PIWIL1: variants seen among roughly 807,000 people sequenced by gnomAD.
The protein encoded by PIWIL1 is piwi-like protein 1.
A neutral mutation model predicts 114.4 loss-of-function variants in PIWIL1; 73 were observed. The ratio of observed to expected loss-of-function variants is 0.64; its 90% CI spans 0.53 to 0.78. The LOEUF (loss-of-function observed/expected upper bound fraction) is 0.78, where lower values mean the gene tolerates loss of function less well. Among genes scored for constraint, PIWIL1 ranks in the 30% least tolerant of loss-of-function variants. PIWIL1 has a pLI of 0.00. For synonymous variants in PIWIL1, 375 were observed against 369.0 expected, an observed-to-expected ratio of 1.02 and a Z score of -0.19; for missense variants, 723 against 1,063.1, an observed-to-expected ratio of 0.68 and a Z score of 4.45.
the PIWIL1 span, chr12:130,426,060 A>G: frequency 6.6e-6 from 1 of 152,304 alleles, no homozygotes; most frequent in Non-Finnish European, 1.5e-5. Flanking sequence ...AACCATCCTT[A>G]GAGGACAGGG....
Position 130,354,936 on chromosome 12 carries a change from C to A in PIWIL1, c.1220C>A (p.Ala407Asp). ...RNDFNVMKDL[A>D]VHTRLTPEQR... ...GATTTTAACGTGATGAAAGACTTAG[C>A]CGTTCATACAAGACTAACTCCAGAG... Residue 407 changes from alanine (A) to aspartate (D), a missense_variant, in exon 11 of 21, where the codon GCC (alanine) becomes GAC (aspartate). Physicochemically the swap from Ala to Asp is moderately radical, Grantham distance 126. This residue lies in a region of PIWIL1 where 298 missense variants were observed against 420.8 expected (regional missense o/e 0.71). Coordinates refer to ENST00000245255, the MANE Select transcript of PIWIL1 (RefSeq NM_004764.5). The A allele has an allele frequency of 6.2e-7, 1 of 1,613,762 alleles. No individual in the cohort carries two copies. The highest frequency in any genetic ancestry group is 8.5e-7 in the Non-Finnish European group (1 of 1,179,694).
At chr12:130,397,121 C>T in the PIWIL1 span, 24 of 306,782 alleles carry the variant, frequency 7.8e-5, no homozygotes, top group Non-Finnish European at 1.4e-4. Context: ...TAAGACGTCC[C>T]CTCCCACCTC....
At chr12:130,380,933 C>CT in the PIWIL1 span, among the ~76,000 whole-genome samples, 7 of 152,032 alleles carry the variant, frequency 4.6e-5, no homozygotes, top group Non-Finnish European at 8.8e-5. Flanking sequence ...AATGAGTCTT[C>CT]TTTTTTTTAC....
the PIWIL1 span, chr12:130,399,945 G>A: frequency 9.9e-7 from 1 of 1,007,602 alleles, no homozygotes; most frequent in Admixed American, 2.7e-5. Context: ...GGCAGGACTT[G>A]AAAGGACTCT....
At chr12:130,348,581 C>A (rs765304257) in intron 7 of PIWIL1, among the ~76,000 whole-genome samples, 1 of 152,116 alleles carries the variant, frequency 6.6e-6, no homozygotes, top group Non-Finnish European at 1.5e-5. Flanking sequence ...CAAACCTGCA[C>A]GTGTGCCCCT....
At chr12:130,420,467 G>A in the PIWIL1 span, among the ~76,000 whole-genome samples, 1 of 152,218 alleles carries the variant, frequency 6.6e-6, no homozygotes, top group South Asian at 2.1e-4. The surrounding 1 kb of genome is among the most constrained non-coding windows in gnomAD (Gnocchi z 4.3). Flanking sequence ...ATTAAGACAC[G>A]CATGCAGCCT....
chr12:130,373,797 C>T (rs553432324), downstream of PIWIL1, among the ~76,000 whole-genome samples: 3 of 152,218 alleles, frequency 2.0e-5, no homozygotes, highest in East Asian at 1.9e-4. Context: ...CTGTTGCATG[C>T]GGCGACAGAG....
At chr12:130,393,774 G>A in the PIWIL1 span, among the ~76,000 whole-genome samples, 1 of 152,168 alleles carries the variant, frequency 6.6e-6, no homozygotes, top group Admixed American at 6.6e-5. Flanking sequence ...TTCAGTTAAA[G>A]GACATAAACA....
intron 6 of PIWIL1, among the ~76,000 whole-genome samples, chr12:130,347,529 T>A (rs2073101243): frequency 6.6e-6 from 1 of 152,336 alleles, no homozygotes; most frequent in East Asian, 1.9e-4. Flanking sequence ...AGAAACAATC[T>A]GGATAAGGCT....
At chr12:130,394,027 G>C in the PIWIL1 span, among the ~76,000 whole-genome samples, 1 of 152,190 alleles carries the variant, frequency 6.6e-6, no homozygotes, top group African/African-American at 2.4e-5. Context: ...TTTGGGGTAA[G>C]GTTCTAAAGG....
the PIWIL1 span, among the ~76,000 whole-genome samples, chr12:130,410,578 G>A: frequency 6.6e-6 from 1 of 152,074 alleles, no homozygotes; most frequent in Non-Finnish European, 1.5e-5. Context: ...TTGGCATATG[G>A]ATGTGCAGTA....
downstream of PIWIL1, among the ~76,000 whole-genome samples, chr12:130,374,968 C>T (rs933497405): frequency 1.3e-5 from 2 of 152,148 alleles, no homozygotes; most frequent in Non-Finnish European, 2.9e-5. Flanking sequence ...TTCTCGTCTG[C>T]CAAGGTCTGG....
chr12:130,364,417 TC>T (rs1200564493), intron 18 of PIWIL1, among the ~76,000 whole-genome samples: 1 of 152,212 alleles, frequency 6.6e-6, no homozygotes, highest in East Asian at 1.9e-4. Context: ...TTCTGAGTCA[TC>T]TTTGGCCAAT....
the PIWIL1 span, among the ~76,000 whole-genome samples, chr12:130,403,445 T>A: frequency 3.9e-3 from 593 of 152,314 alleles, 3 homozygotes; most frequent in African/African-American, 0.014. Flanking sequence ...TAGAAAAATC[T>A]TCTTAAATTC....
downstream of PIWIL1, among the ~76,000 whole-genome samples, chr12:130,376,614 A>C (rs563769978): frequency 1.3e-5 from 2 of 152,314 alleles, no homozygotes; most frequent in South Asian, 4.1e-4. Context: ...TTCAGGCCAG[A>C]AACCTGGGAG....
chr12:130,377,200 G>A (rs1437091702), downstream of PIWIL1, among the ~76,000 whole-genome samples: 1 of 152,174 alleles, frequency 6.6e-6, no homozygotes, highest in African/African-American at 2.4e-5. Context: ...GTTCACTTTT[G>A]TCTTCCCAGT....
intron 9 of PIWIL1, among the ~76,000 whole-genome samples, chr12:130,352,612 G>A (rs764913702): frequency 3.3e-5 from 5 of 152,202 alleles, no homozygotes; most frequent in Non-Finnish European, 7.3e-5. Flanking sequence ...CTCGGGAGAC[G>A]GAGGTTGCAG....
rs2073008834 is a variant in PIWIL1 at position 130,344,298 on chromosome 12, TCA to T, written c.190+1198_190+1199del. Among the ~76,000 whole-genome samples, 11 of 152,268 alleles carry T rather than the reference TCA, an allele frequency of 7.2e-5. No individual in the cohort carries two copies. In the South Asian group the frequency reaches 2.1e-3, roughly 29 times the overall value. ...TAGTGTAGTTACTCACCCAGTGCCA[TCA>T]ATACTTCAAACCAAGCCTCTGGGAT... On this transcript the variant is annotated intron_variant, in intron 3 of 20. Coordinates refer to ENST00000245255, the MANE Select transcript of PIWIL1 (RefSeq NM_004764.5).
In PIWIL1 at chr12:130,346,469, T is replaced by C; in HGVS notation, c.416T>C (p.Leu139Pro). The C allele has an allele frequency of 6.2e-7, 1 of 1,614,044 alleles. No homozygotes were observed. The highest frequency in any genetic ancestry group is 8.5e-7 in the Non-Finnish European group (1 of 1,179,884). The stretch of plus-strand genomic sequence containing the variant: ...CAGTATCACATTGACTATAACCCAC[T>C]GATGGAAGCCAGAAGACTCCGTTCA... Reference protein sequence around the residue: ...LYQYHIDYNPLMEARRLRSAL... With the variant: ...LYQYHIDYNPPMEARRLRSAL... The change falls in exon 5 of 21, where the codon CTG becomes CCG. Residue 139 changes from leucine to proline, a missense_variant. Leu to Pro is a moderately conservative substitution (Grantham distance 98). Around this residue, in one of 8 missense-constraint regions of PIWIL1, gnomAD observed 190 missense variants for 294.4 expected, o/e 0.65. Coordinates refer to ENST00000245255, the MANE Select transcript of PIWIL1 (RefSeq NM_004764.5).
Sources: allele counts gnomAD v4.1 joint callset (sites outside exome capture counted in the v4.1 genomes callset), GRCh38; gene constraint gnomAD v4.1.1; regional missense constraint gnomAD v4.1.1; non-coding constraint Gnocchi (gnomAD v3.1); transcripts MANE v1.5; gene names NCBI Gene and HGNC (gene_info 2026-07-23, HGNC 2026-07-21).